The following GNAI1 variants were observed in gnomAD, a reference collection of about 807,000 sequenced individuals.
The protein encoded by GNAI1 is guanine nucleotide-binding protein G(i) subunit alpha-1.
In GNAI1, 11 loss-of-function variants were observed where a neutral mutation model predicts 38.9. The ratio of observed to expected loss-of-function variants is 0.28; its 90% CI spans 0.18 to 0.47. The LOEUF is 0.47. Ranked by LOEUF, GNAI1 falls within the 20% of genes least tolerant of loss-of-function variation. GNAI1 has a pLI of 0.99. For synonymous variants in GNAI1, 166 were observed against 145.1 expected (o/e 1.14, Z -1.04); for missense variants, 317 against 436.9 (o/e 0.73, Z 2.45).
chr7:80,166,387 T>C (rs1017964963), intron 1 of GNAI1, among the ~76,000 whole-genome samples: 4 of 152,054 alleles, frequency 2.6e-5, no homozygotes, highest in Non-Finnish European at 4.4e-5. Context: ...CGAAATTGTT[T>C]AAAAAAACAG....
At chr7:80,145,630 T>C (rs1173087456) in intron 1 of GNAI1, among the ~76,000 whole-genome samples, 1 of 152,218 alleles carries the variant, frequency 6.6e-6, no homozygotes, top group Non-Finnish European at 1.5e-5. Flanking sequence ...ATTCTACTTC[T>C]TTATTTTCTG....
intron 1 of GNAI1, among the ~76,000 whole-genome samples, chr7:80,165,714 A>G (rs565197144): frequency 2.6e-5 from 4 of 152,276 alleles, no homozygotes; most frequent in African/African-American, 9.6e-5. Context: ...TGTAACTAGA[A>G]GTAGTTTTTA....
At chr7:80,173,086 G>A (rs1788123854) in intron 1 of GNAI1, among the ~76,000 whole-genome samples, 2 of 152,068 alleles carry the variant, frequency 1.3e-5, no homozygotes, top group Non-Finnish European at 2.9e-5. Context: ...TGGAACTGAT[G>A]GGTACTGGTA....
chr7:80,199,946 T>A (rs1235357525), intron 4 of GNAI1, among the ~76,000 whole-genome samples: 1 of 152,040 alleles, frequency 6.6e-6, no homozygotes, highest in Admixed American at 6.6e-5. Context: ...TTAAGTACAG[T>A]TTTTTGGAAG....
chr7:80,149,425 C>T (rs897834869), intron 1 of GNAI1, among the ~76,000 whole-genome samples: 1 of 152,004 alleles, frequency 6.6e-6, no homozygotes. Context: ...ATATTCACCC[C>T]CTAAATGGTC....
chr7:80,158,337 C>G (rs1787854911), intron 1 of GNAI1, among the ~76,000 whole-genome samples: 1 of 152,072 alleles, frequency 6.6e-6, no homozygotes, highest in Non-Finnish European at 1.5e-5. Context: ...GCAGTGTTTC[C>G]ACATACTTAT....
intron 7 of GNAI1, 119 bp downstream of exon 7, chr7:80,212,988 AG>A (rs1788899830): frequency 1.5e-6 from 1 of 673,934 alleles, no homozygotes; most frequent in Non-Finnish European, 2.5e-6. Context: ...TAGACCTTTA[AG>A]GGGTATTATT....
chr7:80,178,714 G>A (rs937223712), intron 1 of GNAI1, among the ~76,000 whole-genome samples: 3 of 152,100 alleles, frequency 2.0e-5, no homozygotes, highest in Admixed American at 6.5e-5. Flanking sequence ...ATATGCACTG[G>A]GAAACCAAAA....
chr7:80,144,517 A>G (rs560639922), intron 1 of GNAI1, among the ~76,000 whole-genome samples: 13 of 152,240 alleles, frequency 8.5e-5, no homozygotes, highest in African/African-American at 3.1e-4. Context: ...TAAATTGTAA[A>G]ATGAGTTCCT....
intron 1 of GNAI1, among the ~76,000 whole-genome samples, chr7:80,162,203 C>G (rs927371138): frequency 6.6e-6 from 1 of 152,114 alleles, no homozygotes; most frequent in Non-Finnish European, 1.5e-5. Flanking sequence ...TCACCAAGAA[C>G]CTGACCATGT....
At chr7:80,209,863 A>C (rs931318199) in intron 5 of GNAI1, among the ~76,000 whole-genome samples, 72 of 152,134 alleles carry the variant, frequency 4.7e-4, no homozygotes, top group African/African-American at 1.7e-3. Context: ...TCTGTGATTT[A>C]GTTTGTGGTA....
chr7:80,163,402 A>G (rs1246059674), intron 1 of GNAI1, among the ~76,000 whole-genome samples: 3 of 152,168 alleles, frequency 2.0e-5, no homozygotes, highest in African/African-American at 7.2e-5. Flanking sequence ...TCCTCTTAAT[A>G]AGATGGTCTG....
intron 1 of GNAI1, among the ~76,000 whole-genome samples, chr7:80,163,640 CAGT>C (rs964408090): frequency 2.0e-5 from 3 of 152,170 alleles, no homozygotes; most frequent in African/African-American, 7.2e-5. Context: ...TATTTAGAGA[CAGT>C]AGTTTTCCTT....
intron 1 of GNAI1, among the ~76,000 whole-genome samples, chr7:80,173,646 G>A (rs1371879863): frequency 6.6e-6 from 1 of 152,176 alleles, no homozygotes; most frequent in Non-Finnish European, 1.5e-5. Context: ...ATTGTAGCAG[G>A]AATTGTCTGA....
intron 1 of GNAI1, among the ~76,000 whole-genome samples, chr7:80,143,338 T>A (rs1453558359): frequency 6.6e-6 from 1 of 152,116 alleles, no homozygotes; most frequent in Non-Finnish European, 1.5e-5. Flanking sequence ...TCATTGTTGA[T>A]CTTGGGGGGT....
rs1397282257 is a variant in GNAI1 at position 80,222,606 on chromosome 7, C to T, written c.*5113C>T. Among the ~76,000 whole-genome samples the T allele has an allele frequency of 1.3e-5, 2 of 151,984 alleles. No homozygotes were observed. The highest frequency in any genetic ancestry group is 2.4e-5 in the African/African-American group (1 of 41,458). On this transcript the variant is annotated 3_prime_UTR_variant, in exon 8 of 8. Coordinates refer to ENST00000649796, the MANE Select transcript of GNAI1 (RefSeq NM_002069.6). ...TTCTCCATGTCGGTCGGGCTGGTCT[C>T]GAACTCCTGACCTCAGGTAATCCGC...
chr7:80,193,761 G>A (rs1788520862), intron 3 of GNAI1, among the ~76,000 whole-genome samples: 1 of 152,006 alleles, frequency 6.6e-6, no homozygotes, highest in Admixed American at 6.6e-5. Context: ...CACTCTGAGA[G>A]TTTTTAAAAT....
chr7:80,198,080 TTTG>T (rs953753147), intron 3 of GNAI1, among the ~76,000 whole-genome samples: 4 of 151,896 alleles, frequency 2.6e-5, no homozygotes, highest in Non-Finnish European at 5.9e-5. Flanking sequence ...TGTTTATTGT[TTTG>T]TTTTTTTTTT....
chr7:80,147,274 C>T (rs185160141), intron 1 of GNAI1, among the ~76,000 whole-genome samples: 215 of 151,898 alleles, frequency 1.4e-3, no homozygotes, highest in Non-Finnish European at 1.4e-3. Context: ...AAACCCTAAC[C>T]CCCAATGTGA....
Sources: gnomAD v4.1 joint callset for allele counts (sites outside exome capture counted in the v4.1 genomes callset) on GRCh38, gnomAD v4.1.1 for gene constraint, MANE v1.5 for transcripts, NCBI Gene and HGNC (gene_info 2026-07-23, HGNC 2026-07-21) for gene names.